SYCP1: variants seen among roughly 807,000 people sequenced by gnomAD.
SYCP1 encodes cancer/testis antigen 8.
SYCP1 carries 64 observed loss-of-function variants against 153.1 expected under a neutral mutation model. The ratio of observed to expected loss-of-function variants is 0.42; its 90% CI spans 0.34 to 0.51. The LOEUF (loss-of-function observed/expected upper bound fraction) is 0.51, where lower values mean the gene tolerates loss of function less well. Among genes scored for constraint, SYCP1 ranks in the 20% least tolerant of loss-of-function variants. The probability of loss-of-function intolerance (pLI) is 0.06; values close to 1 mark genes in which losing one functional copy is unlikely to be tolerated. For missense variants in SYCP1, 997 were observed against 1,049.0 expected (o/e 0.95, Z 0.68); for synonymous variants, 384 against 341.8 (o/e 1.12, Z -1.36).
chr1:114,866,215 T>G (rs1007318206), intron 8 of SYCP1, among the ~76,000 whole-genome samples: 4 of 151,978 alleles, frequency 2.6e-5, no homozygotes, highest in African/African-American at 9.7e-5. Context: ...AATTCCTGGA[T>G]CACATGGTAA....
intron 27 of SYCP1, among the ~76,000 whole-genome samples, chr1:114,970,586 T>C (rs1557842313): frequency 6.6e-6 from 1 of 152,142 alleles, no homozygotes; most frequent in Non-Finnish European, 1.5e-5. Context: ...TTCAGATTCT[T>C]TTGTCCCATG....
intron 16 of SYCP1, among the ~76,000 whole-genome samples, chr1:114,900,666 C>T (rs1194814160): frequency 3.9e-5 from 6 of 152,220 alleles, no homozygotes; most frequent in East Asian, 1.9e-4. Context: ...AATTACATGT[C>T]ATAATAGTAA....
intron 12 of SYCP1, 67 bp from the exon 13 acceptor site, chr1:114,885,468 A>G (rs1282726199): frequency 1.1e-6 from 1 of 926,526 alleles, no homozygotes; most frequent in Non-Finnish European, 1.6e-6. Context: ...ATTGTCACAA[A>G]TAATACTTAG....
At chr1:114,898,289 A>G (rs150406327) in intron 16 of SYCP1, among the ~76,000 whole-genome samples, 2 of 152,326 alleles carry the variant, frequency 1.3e-5, no homozygotes, top group East Asian at 3.9e-4. Context: ...ATGTCTTATG[A>G]CATGCCCAGA....
upstream of SYCP1, chr1:114,854,687 T>C (rs1442520870): frequency 6.6e-6 from 1 of 152,156 alleles, no homozygotes; most frequent in Admixed American, 6.5e-5. Flanking sequence ...AGCCTGACAG[T>C]TTCCCTAGCA....
At chr1:114,897,641 AAG>A (rs1667159129) in intron 16 of SYCP1, among the ~76,000 whole-genome samples, 1 of 152,114 alleles carries the variant, frequency 6.6e-6, no homozygotes, top group African/African-American at 2.4e-5. Flanking sequence ...CCTATCAGCG[AAG>A]AGAGGAGATA....
At chr1:114,933,470 T>C (rs988727185) in intron 23 of SYCP1, among the ~76,000 whole-genome samples, 1 of 151,972 alleles carries the variant, frequency 6.6e-6, no homozygotes, top group African/African-American at 2.4e-5. Context: ...AAGCTGAAAA[T>C]TGTAAAAATC....
At chr1:114,915,683 A>G (rs993428695) in intron 20 of SYCP1, among the ~76,000 whole-genome samples, 1 of 152,226 alleles carries the variant, frequency 6.6e-6, no homozygotes, top group African/African-American at 2.4e-5. Context: ...AGTAAGTTCA[A>G]TTAAAGACTT....
chr1:114,984,777 TGA>T lies in SYCP1; in HGVS notation c.2613_2614del (p.Asn872TyrfsTer4). 6.6e-7 allele frequency: 1 copy of T among 1,510,110 alleles called. No homozygotes were observed. Among genetic ancestry groups the T allele is most frequent in the Non-Finnish European group, 8.8e-7 (1 of 1,131,982 alleles). The allele number at this position is 1,510,110 out of a possible 1,614,324, so 93.5% of individuals were successfully genotyped here. A position where few individuals can be genotyped will look rare whatever the true frequency, so the allele number is the denominator to read the frequency against. The stretch of plus-strand genomic sequence containing the variant: ...CCAAAACTACAGCAAAGAGAAAACT[TGA>T]ATATACCCATTGAAGAAAGTAAAAA... On this transcript the variant is annotated frameshift_variant, in exon 30 of 32. Transcript: ENST00000369522. LOFTEE classifies it high-confidence loss of function.
intron 8 of SYCP1, among the ~76,000 whole-genome samples, chr1:114,870,491 C>T (rs912719902): frequency 2.6e-5 from 4 of 152,164 alleles, no homozygotes; most frequent in African/African-American, 9.6e-5. Flanking sequence ...TGCTTGTTTT[C>T]TTAATGTTGA....
chr1:114,894,823 C>T (rs1666952196), intron 15 of SYCP1, among the ~76,000 whole-genome samples: 1 of 152,006 alleles, frequency 6.6e-6, no homozygotes, highest in South Asian at 2.1e-4. Flanking sequence ...ATTAGTTTTA[C>T]TTGGAGTTCA....
At chr1:114,856,739 A>G in intron 3 of SYCP1, 82 bp downstream of exon 3, 1 of 1,045,982 alleles carries the variant, frequency 9.6e-7, no homozygotes, top group Non-Finnish European at 1.4e-6. Flanking sequence ...AATGTAACAT[A>G]AGTATTATAT....
At chr1:114,905,883 C>G (rs1667776285) in intron 16 of SYCP1, among the ~76,000 whole-genome samples, 2 of 152,058 alleles carry the variant, frequency 1.3e-5, no homozygotes, top group African/African-American at 4.8e-5. Flanking sequence ...GTAGCATTTC[C>G]TGTTATCCTT....
chr1:114,979,364 T>C (rs1673003840), intron 28 of SYCP1, among the ~76,000 whole-genome samples: 1 of 151,816 alleles, frequency 6.6e-6, no homozygotes, highest in South Asian at 2.1e-4. Flanking sequence ...ACATGCCTTA[T>C]AAATGTTTGT....
At chr1:114,942,631 A>G (rs761466885) in intron 23 of SYCP1, among the ~76,000 whole-genome samples, 29 of 152,064 alleles carry the variant, frequency 1.9e-4, no homozygotes, top group African/African-American at 6.3e-4. Flanking sequence ...TTGACTATCT[A>G]TATGGAAAAA....
At chr1:114,962,931 T>A (rs377576825) in intron 27 of SYCP1, among the ~76,000 whole-genome samples, 67 of 152,348 alleles carry the variant, frequency 4.4e-4, no homozygotes, top group South Asian at 4.1e-3. Flanking sequence ...TTTTTGAAGC[T>A]TAGTTACACT....
chr1:114,969,292 C>A (rs920499906), intron 27 of SYCP1, among the ~76,000 whole-genome samples: 1 of 152,226 alleles, frequency 6.6e-6, no homozygotes, highest in Non-Finnish European at 1.5e-5. Context: ...GTGCCCCTTC[C>A]CCCAGGTGCT....
In SYCP1 at chr1:114,856,417, A is replaced by C. The variant is rs114488173; in HGVS notation, c.109-156A>C. ...GAATTTTTTCTTTGTTTATATAGAA[A>C]AGGCATTTGATATTTTAAACACTGT... On this transcript the variant is annotated intron_variant, in intron 2 of 31. Transcript: ENST00000369522. Among the ~76,000 whole-genome samples, 941 of 152,318 alleles carry C rather than the reference A, an allele frequency of 6.2e-3. 9 individuals are homozygous for C. Among genetic ancestry groups the C allele is most frequent in the African/African-American group, 0.021 (884 of 41,582 alleles).
At chr1:114,897,685 C>G (rs1192847485) in intron 16 of SYCP1, among the ~76,000 whole-genome samples, 1 of 151,976 alleles carries the variant, frequency 6.6e-6, no homozygotes, top group Non-Finnish European at 1.5e-5. Context: ...GGTTTTTTTC[C>G]AAAGGAGTCC....
Sources: allele counts gnomAD v4.1 joint callset (sites outside exome capture counted in the v4.1 genomes callset), GRCh38; gene constraint gnomAD v4.1.1; transcripts MANE v1.5; gene names NCBI Gene and HGNC (gene_info 2026-07-23, HGNC 2026-07-21).